The following DGKI variants were observed in gnomAD, a reference collection of about 807,000 sequenced individuals.
DGKI encodes diacylglycerol kinase iota.
Under a neutral mutation model 147.5 loss-of-function variants are expected in DGKI, and 55 were observed. That is an observed-to-expected ratio of 0.37 (90% CI 0.30 to 0.47). The LOEUF (loss-of-function observed/expected upper bound fraction) is 0.47, where lower values mean the gene tolerates loss of function less well. DGKI is among the 20% of genes least tolerant of loss of function. The pLI is 1.00. For missense variants in DGKI, 1,007 were observed against 1,323.8 expected (o/e 0.76, Z 3.71); for synonymous variants, 469 against 477.1 (o/e 0.98, Z 0.22).
rs12534625 is a variant in DGKI at position 137,382,870 on chromosome 7, T to G, written c.*8350A>C. The G allele has an allele frequency of 0.27, 41,693 of 151,820 alleles. 6,722 individuals carry two copies. The highest frequency in any genetic ancestry group is 0.35 in the Admixed American group (5,373 of 15,236). 9.4% of individuals were successfully genotyped at this position (151,820 alleles called of 1,614,324 possible). On this transcript the variant is annotated 3_prime_UTR_variant, in exon 33 of 33. Transcript: ENST00000614521. ...GACTTCCTCCCTCACCCAGTCAACC[T>G]GAAATCTAGGAACTCAAGCTGTATT...
At chr7:137,510,323 A>T (rs1353619464) in intron 21 of DGKI, among the ~76,000 whole-genome samples, 5 of 152,210 alleles carry the variant, frequency 3.3e-5, no homozygotes, top group African/African-American at 1.2e-4. Context: ...GATGTATATA[A>T]TCTTTTGGCA....
intron 6 of DGKI, among the ~76,000 whole-genome samples, chr7:137,638,104 G>A (rs1159228638): frequency 6.6e-6 from 1 of 152,036 alleles, no homozygotes; most frequent in African/African-American, 2.4e-5. Context: ...CCCTTTCCAA[G>A]CCTGCCTGCC....
chr7:137,428,434 C>T (rs1812913572), intron 28 of DGKI, among the ~76,000 whole-genome samples: 1 of 152,128 alleles, frequency 6.6e-6, no homozygotes, highest in Non-Finnish European at 1.5e-5. Flanking sequence ...GACAAACCCA[C>T]AGCCAATATC....
chr7:137,632,012 T>C (rs1342344778), intron 6 of DGKI, among the ~76,000 whole-genome samples: 1 of 152,154 alleles, frequency 6.6e-6, no homozygotes, highest in African/African-American at 2.4e-5. Flanking sequence ...ACCTTACAGA[T>C]TGGGCACTCT....
chr7:137,610,265 TAA>T (rs1820321652), intron 8 of DGKI, among the ~76,000 whole-genome samples: 2 of 152,176 alleles, frequency 1.3e-5, no homozygotes, highest in African/African-American at 2.4e-5. Flanking sequence ...CCTAATGGTT[TAA>T]AAAGTTTTCC....
chr7:137,725,082 T>G (rs182454933), intron 1 of DGKI, among the ~76,000 whole-genome samples: 168 of 152,234 alleles, frequency 1.1e-3, no homozygotes, highest in African/African-American at 4.0e-3. Flanking sequence ...CGAGAAGGTT[T>G]GAAAAGGATT....
intron 1 of DGKI, among the ~76,000 whole-genome samples, chr7:137,703,736 T>C (rs10227387): frequency 0.061 from 9,337 of 152,160 alleles, 931 homozygotes; most frequent in African/African-American, 0.21. Context: ...ATCAGCAACA[T>C]AAACAAACAC....
chr7:137,559,363 G>A (rs974251745), intron 19 of DGKI, among the ~76,000 whole-genome samples: 1 of 151,908 alleles, frequency 6.6e-6, no homozygotes, highest in African/African-American at 2.4e-5. Context: ...GAGCCACCGC[G>A]CCTGGCCTTG....
chr7:137,710,361 A>C (rs1202520605), intron 1 of DGKI, among the ~76,000 whole-genome samples: 1 of 152,150 alleles, frequency 6.6e-6, no homozygotes, highest in Non-Finnish European at 1.5e-5. Context: ...GGAAGGCATT[A>C]GCAGATATCA....
intron 6 of DGKI, among the ~76,000 whole-genome samples, chr7:137,644,418 G>C (rs962995859): frequency 1.3e-5 from 2 of 152,282 alleles, no homozygotes; most frequent in Non-Finnish European, 2.9e-5. Flanking sequence ...AATGGTTACA[G>C]CATATTTTCT....
chr7:137,479,062 C>T (rs1815278820), intron 23 of DGKI, among the ~76,000 whole-genome samples: 1 of 152,150 alleles, frequency 6.6e-6, no homozygotes, highest in African/African-American at 2.4e-5. Flanking sequence ...CTAGTCTCCC[C>T]AGTCCTCTCA....
chr7:137,759,141 G>A (rs1795776412), intron 1 of DGKI, among the ~76,000 whole-genome samples: 1 of 152,010 alleles, frequency 6.6e-6, no homozygotes. Context: ...AGCTCTCAGT[G>A]TCTATTACTT....
rs1433060219 is a variant in DGKI, at chr7:137,597,834, C to T, written c.1311+13G>A. On this transcript the variant is annotated intron_variant, in intron 12 of 32. Transcript: ENST00000614521. ...GAATTGGCAGAGAACTGGATTCTCT[C>T]TCAGGGACCTACCGTTCCATCCCCA... The T allele has an allele frequency of 6.2e-7, 1 of 1,613,268 alleles. No individual in the cohort carries two copies. The highest frequency in any genetic ancestry group is 8.5e-7 in the Non-Finnish European group (1 of 1,179,408).
At chr7:137,718,000 C>T (rs1166544844) in intron 1 of DGKI, among the ~76,000 whole-genome samples, 2 of 152,280 alleles carry the variant, frequency 1.3e-5, no homozygotes, top group Non-Finnish European at 2.9e-5. Context: ...GAGTACTGCT[C>T]GGAGGTTGCT....
In DGKI at chr7:137,443,111, T is replaced by C. The variant is rs1002135996; in HGVS notation, c.2761+966A>G. On this transcript the variant is annotated intron_variant, in intron 28 of 32. Transcript: ENST00000614521. ...TGTCACATGGCTGGAAAACAGATCA[T>C]GGGTAGGAGAAGGGAAAAGATGGTA... Among the ~76,000 whole-genome samples the C allele has an allele frequency of 3.3e-5, 5 of 152,000 alleles. No individual in the cohort carries two copies. In the East Asian group the frequency reaches 9.7e-4, roughly 29 times the overall value.
At chr7:137,590,759 C>T (rs1184084243) in intron 12 of DGKI, among the ~76,000 whole-genome samples, 1 of 152,150 alleles carries the variant, frequency 6.6e-6, no homozygotes, top group Admixed American at 6.5e-5. Context: ...GTGGTGCAAT[C>T]TCAGCTCACT....
Position 137,382,311 on chromosome 7 carries a change from G to C in DGKI, c.*8909C>G, listed in dbSNP as rs139181935. 7.1e-6 allele frequency: 1 copy of C among 140,992 alleles called. No homozygotes were observed. Among genetic ancestry groups the C allele is most frequent in the African/African-American group, 2.8e-5 (1 of 35,882 alleles). The allele number at this position is 140,992 out of a possible 1,614,324, so 8.7% of individuals were successfully genotyped here. On this transcript the variant is annotated 3_prime_UTR_variant, in exon 33 of 33. Transcript: ENST00000614521. ...CTCTGAATTTTTAAGTGAATATATT[G>C]AGATTTGTGGGAAAAAACCCTAAAT... is the stretch of plus-strand genomic sequence containing the variant.
intron 1 of DGKI, among the ~76,000 whole-genome samples, chr7:137,727,664 A>T (rs571297196): frequency 3.9e-5 from 6 of 152,358 alleles, no homozygotes; most frequent in Non-Finnish European, 8.8e-5. Context: ...TTCATCAAAC[A>T]TTCAAATGAC....
chr7:137,477,915 C>G (rs1475746436), intron 23 of DGKI, among the ~76,000 whole-genome samples: 1 of 152,160 alleles, frequency 6.6e-6, no homozygotes. Context: ...CCCATGATGG[C>G]CTCCCAAAGT....
Sources: gnomAD v4.1 joint callset for allele counts (sites outside exome capture counted in the v4.1 genomes callset) on GRCh38, gnomAD v4.1.1 for gene constraint, MANE v1.5 for transcripts, NCBI Gene and HGNC (gene_info 2026-07-23, HGNC 2026-07-21) for gene names.